LATS1: variants seen among roughly 807,000 people sequenced by gnomAD.
LATS1 encodes large tumor suppressor kinase 1.
A neutral mutation model predicts 106.6 loss-of-function variants in LATS1; 25 were observed. That is an observed-to-expected ratio of 0.23 (90% CI 0.17 to 0.33). The LOEUF is 0.33. LATS1 is among the 10% of genes least tolerant of loss of function. The pLI, the probability that LATS1 is intolerant of heterozygous loss-of-function variation, is 1.00. For synonymous variants in LATS1, 465 were observed against 455.6 expected, an observed-to-expected ratio of 1.02 and a Z score of -0.26; for missense variants, 1,040 against 1,382.6, an observed-to-expected ratio of 0.75 and a Z score of 3.93.
At position 149,715,279 on chromosome 6, in the gene LATS1, G is replaced by C. The variant is rs148010649; in HGVS notation, c.-141+2570C>G. The stretch of plus-strand genomic sequence containing the variant: ...AGATGGGGTTTCACCATGTTGGCCA[G>C]GCTGGTCTCGAACTCCAGACCTCAG... On this transcript the variant is annotated intron_variant, in intron 1 of 7. Coordinates refer to ENST00000543571, the MANE Select transcript of LATS1 (RefSeq NM_004690.4). Among the ~76,000 whole-genome samples the C allele has an allele frequency of 1.5e-3, 226 of 152,180 alleles. 5 individuals are homozygous for C. In the East Asian group the frequency reaches 0.038, roughly 26 times the overall value.
At chr6:149,715,187 G>T (rs1314208180) in intron 1 of LATS1, among the ~76,000 whole-genome samples, 3 of 151,950 alleles carry the variant, frequency 2.0e-5, no homozygotes, top group Non-Finnish European at 4.4e-5. Context: ...TCCTGCCTCA[G>T]CCTTACAAGT....
At chr6:149,666,596 C>G (rs991019277) in intron 7 of LATS1, among the ~76,000 whole-genome samples, 1 of 150,328 alleles carries the variant, frequency 6.7e-6, no homozygotes, top group African/African-American at 2.5e-5. Flanking sequence ...TGCACCCCAG[C>G]TTGGGCAACA....
chr6:149,683,899 G>A lies in LATS1; in HGVS notation c.1190C>T (p.Pro397Leu), dbSNP rs1782204712. ...AATACTTCCATTTGTATATGACGAA[G>A]GAGCAGCAGATCCCCCTGTTTGTAA... ...SALQTGGSAA[P>L]SSYTNGSIPQ... Residue 397 changes from proline (P) to leucine (L), a missense_variant, in exon 4 of 8, where the codon CCT becomes CTT. Pro to Leu is a moderately conservative substitution (Grantham distance 98). Around this residue, in one of 7 missense-constraint regions of LATS1, gnomAD observed 624 missense variants for 714.8 expected, o/e 0.87. Coordinates refer to ENST00000543571, the MANE Select transcript of LATS1 (RefSeq NM_004690.4). 6.2e-7 allele frequency: 1 copy of A among 1,614,068 alleles called. No homozygotes were observed. The highest frequency in any genetic ancestry group is 1.3e-5 in the African/African-American group (1 of 74,940).
chr6:149,666,499 T>G (rs1270384319), intron 7 of LATS1, among the ~76,000 whole-genome samples: 1 of 151,496 alleles, frequency 6.6e-6, no homozygotes, highest in African/African-American at 2.4e-5. Flanking sequence ...GCAACTGTAG[T>G]CCCAGCTACC....
chr6:149,662,682 C>T (rs571453002), intron 7 of LATS1, among the ~76,000 whole-genome samples: 116 of 152,164 alleles, frequency 7.6e-4, no homozygotes, highest in Non-Finnish European at 1.2e-3. Context: ...TTTTCTGGTG[C>T]CAAGCGTGGT....
At chr6:149,671,950 A>G (rs1781464221) in intron 7 of LATS1, among the ~76,000 whole-genome samples, 1 of 151,604 alleles carries the variant, frequency 6.6e-6, no homozygotes, top group Admixed American at 6.6e-5. Flanking sequence ...GTACAGTGGC[A>G]CTGTACGGGC....
At chr6:149,712,149 C>T (rs1784139144) in intron 1 of LATS1, among the ~76,000 whole-genome samples, 1 of 152,178 alleles carries the variant, frequency 6.6e-6, no homozygotes, top group African/African-American at 2.4e-5. Context: ...AAAAGAATAA[C>T]ATAATACCGT....
At chr6:149,699,998 T>A (rs1337940106) in intron 2 of LATS1, among the ~76,000 whole-genome samples, 1 of 152,098 alleles carries the variant, frequency 6.6e-6, no homozygotes, top group Non-Finnish European at 1.5e-5. Flanking sequence ...CTTGGGACAA[T>A]CTCCACTCAA....
chr6:149,700,936 A>C (rs1262655823), intron 2 of LATS1, among the ~76,000 whole-genome samples: 1 of 152,194 alleles, frequency 6.6e-6, no homozygotes, highest in Non-Finnish European at 1.5e-5. Context: ...GGCATGTGCC[A>C]CTATGCCCAG....
intron 1 of LATS1, among the ~76,000 whole-genome samples, chr6:149,707,298 G>T (rs961304632): frequency 6.6e-6 from 1 of 152,096 alleles, no homozygotes; most frequent in South Asian, 2.1e-4. Context: ...ACAGGTATGA[G>T]CCACTGTGCC....
chr6:149,661,459 T>C lies in LATS1; in HGVS notation c.*270A>G. 1 of 327,548 alleles carries C rather than the reference T, an allele frequency of 3.1e-6. No individual in the cohort carries two copies. The highest frequency in any genetic ancestry group is 5.5e-6 in the Non-Finnish European group (1 of 181,082). The allele number at this position is 327,548 out of a possible 1,614,324, so 20.3% of individuals were successfully genotyped here. On this transcript the variant is annotated 3_prime_UTR_variant, in exon 8 of 8. Coordinates refer to ENST00000543571, the MANE Select transcript of LATS1 (RefSeq NM_004690.4). Reference sequence around the variant, plus strand: ...CTCCTTTTAAACAAAGCACTACTTATTTTAAGTACTTTAAGTACCAAGAAC... The same window carrying C: ...CTCCTTTTAAACAAAGCACTACTTACTTTAAGTACTTTAAGTACCAAGAAC...
In LATS1 at chr6:149,680,295, C is replaced by T; in HGVS notation, c.2173G>A (p.Val725Ile). ...AFGEVCLARKVDTKALYATKT... is the reference protein window; with the variant it reads ...AFGEVCLARKIDTKALYATKT... ...GTTGCATACAAAGCCTTAGTATCTA[C>T]TTTTCTTGCTAGACAGACTTCACCA... Residue 725 changes from valine to isoleucine, a missense_variant, in exon 5 of 8, where the codon GTA becomes ATA. By Grantham distance (29) the Val-to-Ile change is conservative (BLOSUM62 3). Coordinates refer to ENST00000543571, the MANE Select transcript of LATS1 (RefSeq NM_004690.4). 1 of 1,613,896 alleles carries T rather than the reference C, an allele frequency of 6.2e-7. No homozygotes were observed.
chr6:149,678,901 T>C (rs777035042), intron 5 of LATS1, among the ~76,000 whole-genome samples: 27 of 152,150 alleles, frequency 1.8e-4, no homozygotes, highest in Non-Finnish European at 2.9e-4. Flanking sequence ...CATAAAGTGT[T>C]TAGGGTTATA....
At chr6:149,694,543 A>G (rs1302126584) in intron 3 of LATS1, among the ~76,000 whole-genome samples, 2 of 152,228 alleles carry the variant, frequency 1.3e-5, no homozygotes, top group Admixed American at 6.5e-5. Context: ...AAAATTGTAC[A>G]TGGTATATTA....
intron 7 of LATS1, 93 bp from the exon 8 acceptor site, chr6:149,662,331 T>C (rs983767421): frequency 1.8e-6 from 2 of 1,094,076 alleles, no homozygotes; most frequent in African/African-American, 3.2e-5. Context: ...CTGGGCTATT[T>C]TTGTATTTTA....
chr6:149,690,745 C>T (rs1303271877), intron 3 of LATS1, among the ~76,000 whole-genome samples: 2 of 151,930 alleles, frequency 1.3e-5, no homozygotes, highest in African/African-American at 2.4e-5. Flanking sequence ...CACCATGATG[C>T]TCAGGCTGGT....
intron 2 of LATS1, among the ~76,000 whole-genome samples, chr6:149,696,559 TAAA>T (rs372769091): frequency 2.2e-5 from 1 of 45,820 alleles, no homozygotes. Context: ...AACTCCGTCT[TAAA>T]AAAAAAAAAA....
intron 1 of LATS1, among the ~76,000 whole-genome samples, chr6:149,702,951 G>C (rs1783549517): frequency 6.6e-6 from 1 of 151,296 alleles, no homozygotes; most frequent in Admixed American, 6.6e-5. Context: ...GGGATTACAG[G>C]TGTGAGCCAC....
At chr6:149,665,948 C>A (rs1781119337) in intron 7 of LATS1, among the ~76,000 whole-genome samples, 1 of 151,822 alleles carries the variant, frequency 6.6e-6, no homozygotes. Context: ...TTGAGACCAG[C>A]CTGGCCAACA....
Sources: gnomAD v4.1 joint callset for allele counts (sites outside exome capture counted in the v4.1 genomes callset) on GRCh38, gnomAD v4.1.1 for gene constraint, gnomAD v4.1.1 regional missense constraint, MANE v1.5 for transcripts, NCBI Gene and HGNC (gene_info 2026-07-23, HGNC 2026-07-21) for gene names.